Variants in RNASET2 observed in about 807,000 individuals in gnomAD.
RNASET2 encodes the protein ribonuclease T2.
In RNASET2, 28 loss-of-function variants were observed where a neutral mutation model predicts 33.9. That is an observed-to-expected ratio of 0.83 (90% CI 0.61 to 1.13). The LOEUF is 1.13. Among genes scored for constraint, RNASET2 ranks in the 50% most tolerant of loss-of-function variants. The pLI is 0.00. For synonymous variants in RNASET2, 123 were observed against 121.0 expected (o/e 1.02, Z -0.11); for missense variants, 330 against 319.9 (o/e 1.03, Z -0.24).
At chr6:166,949,500 C>CAAAA (rs61621125) in intron 2 of RNASET2, among the ~76,000 whole-genome samples, 879 of 42,804 alleles carry the variant, frequency 0.021, no homozygotes, top group Middle Eastern at 0.032. Flanking sequence ...GACTCCATCT[C>CAAAA]AAAAAAAAAA....
At chr6:166,943,773 A>T in intron 4 of RNASET2, 1 of 470,104 alleles carries the variant, frequency 2.1e-6, no homozygotes, top group South Asian at 1.6e-5. Context: ...GTTGAGGGGG[A>T]AGGGAGTGAA....
Position 166,956,130 on chromosome 6 carries a change from A to C in RNASET2, c.53T>G (p.Leu18Trp). 1.3e-6 allele frequency: 2 copies of C among 1,552,050 alleles called. No individual in the cohort carries two copies. Among genetic ancestry groups the C allele is most frequent in the Non-Finnish European group, 1.7e-6 (2 of 1,147,208 alleles). The change falls in exon 1 of 9, where the codon TTG (leucine) becomes TGG (tryptophan). Residue 18 changes from leucine (L) to tryptophan (W), a missense_variant. Coordinates refer to ENST00000508775, the MANE Select transcript of RNASET2 (RefSeq NM_003730.6). ...GALLGCLCLA[L>W]LCLGGADKRL... is the part of the protein sequence containing the mutation. ...CTTGTCCGCACCGCCCAGGCAAAGC[A>C]ACGCCAGGCAGAGGCAGCCCAGCAG...
In RNASET2 at chr6:166,943,042, C is replaced by T. The variant is rs540010690; in HGVS notation, c.309G>A (p.Ser103=). Residue 103 remains serine, a synonymous_variant, in exon 5 of 9, where the codon TCG becomes TCA. Transcript: ENST00000508775. ...MRAYWPDVIH[S]FPNRSRFWKH... is the part of the protein sequence containing the mutation. ...ACCAGAAGCGGCTGCGATTGGGAAA[C>T]GAGTGAATTACGTCAGGCCAGTATG... The T allele has an allele frequency of 4.5e-5, 73 of 1,613,646 alleles. No homozygotes were observed. Among genetic ancestry groups the T allele is most frequent in the African/African-American group, 5.3e-5 (4 of 75,018 alleles).
At chr6:166,948,473 A>G in intron 3 of RNASET2, 97 bp downstream of exon 3, 1 of 821,664 alleles carries the variant, frequency 1.2e-6, no homozygotes, top group Non-Finnish European at 2.2e-6. Context: ...AACTCCTAAA[A>G]ATAAAAAACA....
chr6:166,939,651 C>T (rs1018389825), intron 5 of RNASET2, among the ~76,000 whole-genome samples: 4 of 152,164 alleles, frequency 2.6e-5, no homozygotes. Context: ...CAGGGAATTT[C>T]GCAGAGTGGC....
chr6:166,929,783 T>C lies in RNASET2; in HGVS notation c.576A>G (p.Glu192=). The C allele has an allele frequency of 6.2e-7, 1 of 1,613,828 alleles. No homozygotes were observed. The highest frequency in any genetic ancestry group is 8.5e-7 in the Non-Finnish European group (1 of 1,179,728). The change falls in exon 9 of 9, where the codon GAA becomes GAG. Residue 192 remains glutamate (E), a synonymous_variant. Transcript: ENST00000508775. The stretch of plus-strand genomic sequence containing the variant: ...GTTCTATCTGACCAATTGTCTGTAC[T>C]TCCTCATCCTAAAAGTAAACAATGA... ...IQCLPPSQDE[E]VQTIGQIELC... is the part of the protein sequence containing the mutation.
chr6:166,935,724 C>A (rs750692132), intron 6 of RNASET2, among the ~76,000 whole-genome samples: 7 of 152,190 alleles, frequency 4.6e-5, no homozygotes, highest in Non-Finnish European at 1.0e-4. Flanking sequence ...GTGGCCCAGG[C>A]TGGACTGCAG....
At chr6:166,930,896 GCA>G (rs1216331013) in intron 8 of RNASET2, 146 bp downstream of exon 8, 11 of 712,026 alleles carry the variant, frequency 1.5e-5, no homozygotes, top group African/African-American at 7.1e-5. Context: ...ACACACACAT[GCA>G]CACACACACC....
At chr6:166,932,998 C>T (rs1778484153) in intron 7 of RNASET2, 1 of 152,326 alleles carries the variant, frequency 6.6e-6, no homozygotes, top group South Asian at 2.1e-4. Context: ...CACAGGTAAG[C>T]AGACACCATG....
chr6:166,941,500 T>C (rs1455493250), intron 5 of RNASET2, among the ~76,000 whole-genome samples: 1 of 152,178 alleles, frequency 6.6e-6, no homozygotes, highest in Admixed American at 6.5e-5. Context: ...TCATGGCCAT[T>C]ATTTTGAAAT....
At chr6:166,948,699 A>G in intron 2 of RNASET2, 74 bp from the exon 3 acceptor site, 1 of 924,792 alleles carries the variant, frequency 1.1e-6, no homozygotes, top group Non-Finnish European at 1.8e-6. Flanking sequence ...CTATTAAAAT[A>G]CATTTAGCAG....
Position 166,955,748 on chromosome 6 carries a change from C to T in RNASET2, c.86+349G>A, listed in dbSNP as rs978366917. 1.1e-5 allele frequency: 13 copies of T among 1,191,042 alleles called. No homozygotes were observed. The Admixed American group carries it at 2.0e-4, about 19-fold the overall frequency. 73.8% of individuals were successfully genotyped at this position (1,191,042 alleles called of 1,614,324 possible). A position where few individuals can be genotyped will look rare whatever the true frequency, so the allele number is the denominator to read the frequency against. On this transcript the variant is annotated intron_variant, in intron 1 of 8. Transcript: ENST00000508775. ...TCAGGGCTCCCCAACCCACTTCTTC[C>T]CAGGAGTCACCCCAGAGCGTGCCCA... is the stretch of plus-strand genomic sequence containing the variant.
intron 1 of RNASET2, among the ~76,000 whole-genome samples, chr6:166,954,741 C>G (rs1158834122): frequency 6.6e-6 from 1 of 152,220 alleles, no homozygotes; most frequent in African/African-American, 2.4e-5. Flanking sequence ...TGGCCGGGTG[C>G]AGTGGCTCAC....
intron 4 of RNASET2, among the ~76,000 whole-genome samples, chr6:166,946,047 G>A (rs1778834734): frequency 1.3e-5 from 2 of 152,158 alleles, no homozygotes; most frequent in Non-Finnish European, 2.9e-5. Context: ...GGAACTGTTG[G>A]CACCCCTAAG....
Position 166,956,352 on chromosome 6 carries a change from A to C in RNASET2, c.-170T>G, listed in dbSNP as rs1779166758. The C allele has an allele frequency of 1.5e-6, 1 of 654,790 alleles. No individual in the cohort carries two copies. The highest frequency in any genetic ancestry group is 2.7e-6 in the Non-Finnish European group (1 of 374,332). 40.6% of individuals were successfully genotyped at this position (654,790 alleles called of 1,614,324 possible). A position where few individuals can be genotyped will look rare whatever the true frequency, so the allele number is the denominator to read the frequency against. On this transcript the variant is annotated 5_prime_UTR_variant, in exon 1 of 9. Coordinates refer to ENST00000508775, the MANE Select transcript of RNASET2 (RefSeq NM_003730.6). Reference sequence around the variant, plus strand: ...TGCGCCCGGAGCCCTGGGACGGCCTAAACCAGTATCTCGCGGGCCCCGCGC... The same window carrying C: ...TGCGCCCGGAGCCCTGGGACGGCCTCAACCAGTATCTCGCGGGCCCCGCGC...
At position 166,924,564 on chromosome 6, in the gene RNASET2, C is replaced by A. The variant is rs1241119879; in HGVS notation, c.*5024G>T. On this transcript the variant is annotated 3_prime_UTR_variant, in exon 9 of 9. Transcript: ENST00000508775. ...ATTAGGGCCCACAGATCCTTCCCTG[C>A]AGTTGCTGTCTCCCTTTCTTCAGGT... Among the ~76,000 whole-genome samples the A allele has an allele frequency of 6.6e-6, 1 of 152,188 alleles. No homozygotes were observed. Among genetic ancestry groups the A allele is most frequent in the East Asian group, 1.9e-4 (1 of 5,196 alleles).
In RNASET2 at chr6:166,931,207, G is replaced by A. The variant is rs533130554; in HGVS notation, c.493-89C>T. ...CTATCCTGAGCGCAACAGTGGCAGGGTCCTGGTCTCCCTTGGCTGGCAGGG... is the reference window on the plus strand; with the variant it reads ...CTATCCTGAGCGCAACAGTGGCAGGATCCTGGTCTCCCTTGGCTGGCAGGG... On this transcript the variant is annotated intron_variant, in intron 7 of 8. Transcript: ENST00000508775. 3 of 949,004 alleles carry A rather than the reference G, an allele frequency of 3.2e-6. No individual in the cohort carries two copies. The East Asian group carries it at 7.1e-5, about 23-fold the overall frequency. 58.8% of individuals were successfully genotyped at this position (949,004 alleles called of 1,614,324 possible).
rs190668181 is a variant in RNASET2 at position 166,923,499 on chromosome 6, T to A, written c.*6089A>T. On this transcript the variant is annotated 3_prime_UTR_variant, in exon 9 of 9. Coordinates refer to ENST00000508775, the MANE Select transcript of RNASET2 (RefSeq NM_003730.6). ...CCTCCCAAGGTGCTAGGATTACAGGTATAAGCCACTGCGCCTGGCCCATCT... is the reference window on the plus strand; with the variant it reads ...CCTCCCAAGGTGCTAGGATTACAGGAATAAGCCACTGCGCCTGGCCCATCT... 2.5e-3 allele frequency among the ~76,000 whole-genome samples: 388 copies of A among 152,166 alleles called. 3 individuals carry two copies. Among genetic ancestry groups the A allele is most frequent in the Middle Eastern group, 0.01 (3 of 294 alleles).
chr6:166,925,608 C>T lies in RNASET2; in HGVS notation c.*3980G>A, dbSNP rs1046194717. 6.6e-6 allele frequency among the ~76,000 whole-genome samples: 1 copy of T among 152,236 alleles called. No homozygotes were observed. On this transcript the variant is annotated 3_prime_UTR_variant, in exon 9 of 9. Coordinates refer to ENST00000508775, the MANE Select transcript of RNASET2 (RefSeq NM_003730.6). ...CTCACCTATGCCACATTGTCCGCAT[C>T]TACACTGTACGGCCCTCCCCTGTGC...
Sources: gnomAD v4.1 joint callset for allele counts (sites outside exome capture counted in the v4.1 genomes callset) on GRCh38, gnomAD v4.1.1 for gene constraint, MANE v1.5 for transcripts, NCBI Gene and HGNC (gene_info 2026-07-23, HGNC 2026-07-21) for gene names.